Variants in KMT2C observed in about 807,000 individuals in gnomAD.
KMT2C encodes histone-lysine N-methyltransferase 2C.
In KMT2C, 88 loss-of-function variants were observed where a neutral mutation model predicts 507.9. That is an observed-to-expected ratio of 0.17 (90% CI 0.15 to 0.21). KMT2C has a LOEUF of 0.21. Among genes scored for constraint, KMT2C ranks in the 10% least tolerant of loss-of-function variants. The probability of loss-of-function intolerance (pLI) is 1.00; values close to 1 mark genes in which losing one functional copy is unlikely to be tolerated. For synonymous variants in KMT2C, 2,049 were observed against 2,080.8 expected, an observed-to-expected ratio of 0.98 and a Z score of 0.42; for missense variants, 4,954 against 5,957.8, an observed-to-expected ratio of 0.83 and a Z score of 5.55.
At chr7:152,251,815 C>A in intron 11 of KMT2C, 124 bp downstream of exon 11, 1 of 569,026 alleles carries the variant, frequency 1.8e-6, no homozygotes, top group Non-Finnish European at 2.8e-6. Context: ...GGTTGAGAAA[C>A]TGAGAACAAG....
At chr7:152,198,964 ATCTT>A (rs1172862756) in intron 27 of KMT2C, among the ~76,000 whole-genome samples, 1 of 152,148 alleles carries the variant, frequency 6.6e-6, no homozygotes, top group African/African-American at 2.4e-5. Flanking sequence ...ACAAAAATCT[ATCTT>A]AGATTTTTAG....
chr7:152,235,051 G>C (rs1420039974), intron 16 of KMT2C, among the ~76,000 whole-genome samples: 6 of 152,268 alleles, frequency 3.9e-5, no homozygotes, highest in African/African-American at 1.4e-4. Context: ...GTACAGTTCT[G>C]TATGATTCCA....
chr7:152,225,921 T>C (rs2094915768), intron 18 of KMT2C, among the ~76,000 whole-genome samples: 1 of 152,238 alleles, frequency 6.6e-6, no homozygotes, highest in South Asian at 2.1e-4. Context: ...ACTCATAGTA[T>C]ACTGTTTAGA....
chr7:152,287,170 C>T (rs1304353782), intron 6 of KMT2C, among the ~76,000 whole-genome samples: 1 of 152,170 alleles, frequency 6.6e-6, no homozygotes, highest in Non-Finnish European at 1.5e-5. Context: ...GTTCAACACC[C>T]ACCCAGTGAT....
At chr7:152,430,184 G>GAAAAAAAAAAAAAAAAAAAAAAAAAAAA (rs59960992) in intron 1 of KMT2C, among the ~76,000 whole-genome samples, 1 of 87,134 alleles carries the variant, frequency 1.1e-5, no homozygotes, top group Non-Finnish European at 2.5e-5. Context: ...TCAAAAAAAA[G>GAAAAAAAAAAAAAAAAAAAAAAAAAAAA]AAAAAAAAAA....
intron 34 of KMT2C, 117 bp downstream of exon 34, chr7:152,185,441 G>C (rs936928429): frequency 4.4e-6 from 3 of 681,754 alleles, no homozygotes; most frequent in African/African-American, 3.6e-5. Flanking sequence ...GTTGCTTGTT[G>C]TACAGGTACT....
At position 152,155,891 on chromosome 7, in the gene KMT2C, A is replaced by C; in HGVS notation, c.11960+19T>G. On this transcript the variant is annotated intron_variant, in intron 46 of 58. Transcript: ENST00000262189. The stretch of plus-strand genomic sequence containing the variant: ...AGAAGAAATAACTAAGAATTATTTG[A>C]GAAAAAAATAACCTGTACCTTAATT... 1 of 1,574,920 alleles carries C rather than the reference A, an allele frequency of 6.3e-7. No individual in the cohort carries two copies. The highest frequency in any genetic ancestry group is 8.5e-7 in the Non-Finnish European group (1 of 1,169,642).
intron 18 of KMT2C, among the ~76,000 whole-genome samples, chr7:152,229,465 T>C (rs1222383801): frequency 1.3e-5 from 2 of 152,156 alleles, no homozygotes; most frequent in African/African-American, 2.4e-5. Context: ...TTATTACCAA[T>C]TGCATTAAAT....
At chr7:152,364,608 C>CAAAAAAAAAAAAAA (rs2097222739) in intron 1 of KMT2C, among the ~76,000 whole-genome samples, 1 of 115,988 alleles carries the variant, frequency 8.6e-6, no homozygotes, top group African/African-American at 6.6e-5. Flanking sequence ...GACTCCGTCT[C>CAAAAAAAAAAAAAA]CAAAAAAAAA....
rs766505720 is a variant in KMT2C, at chr7:152,193,993, T to A, written c.4660+16A>T. ...TGTGTGTGAATATAATGTAGAATTA[T>A]AAAGTCATAACATACCCTGATTGTG... On this transcript the variant is annotated intron_variant, in intron 31 of 58. Coordinates refer to ENST00000262189, the MANE Select transcript of KMT2C (RefSeq NM_170606.3). 1 of 1,518,546 alleles carries A rather than the reference T, an allele frequency of 6.6e-7. No individual in the cohort carries two copies. Among genetic ancestry groups the A allele is most frequent in the Non-Finnish European group, 8.8e-7 (1 of 1,140,936 alleles). The allele number at this position is 1,518,546 out of a possible 1,614,324, so 94.1% of individuals were successfully genotyped here.
At chr7:152,297,043 A>AGACAGAC (rs2096512032) in intron 6 of KMT2C, among the ~76,000 whole-genome samples, 1 of 83,404 alleles carries the variant, frequency 1.2e-5, no homozygotes, top group African/African-American at 5.0e-5. Context: ...GAAAGAAAGA[A>AGACAGAC]AGAAAGAAAG....
Position 152,181,598 on chromosome 7 carries a change from T to A in KMT2C, c.6262A>T (p.Asn2088Tyr). The change falls in exon 36 of 59, where the codon AAT becomes TAT. Residue 2088 changes from asparagine to tyrosine, a missense_variant. Around this residue, in one of 29 missense-constraint regions of KMT2C, gnomAD observed 1,689 missense variants for 1,654.3 expected, o/e 1.02. Coordinates refer to ENST00000262189, the MANE Select transcript of KMT2C (RefSeq NM_170606.3). ...TPRPIDNFSH[N>Y]QSNDPYSQPP... Reference sequence around the variant, plus strand: ...TGACTATATGGATCATTTGACTGATTATGAGAAAAATTATCTATAGGTCTT... The same window carrying A: ...TGACTATATGGATCATTTGACTGATAATGAGAAAAATTATCTATAGGTCTT... The A allele has an allele frequency of 1.9e-6, 3 of 1,614,068 alleles. No homozygotes were observed. Among genetic ancestry groups the A allele is most frequent in the Non-Finnish European group, 2.5e-6 (3 of 1,180,024 alleles).
chr7:152,417,511 A>C (rs1003478393), intron 1 of KMT2C, among the ~76,000 whole-genome samples: 2 of 152,218 alleles, frequency 1.3e-5, no homozygotes, highest in Non-Finnish European at 2.9e-5. Flanking sequence ...TAGGTAACAA[A>C]CAGATACAGA....
At chr7:152,159,789 A>G (rs1004135258) in intron 43 of KMT2C, among the ~76,000 whole-genome samples, 1 of 152,176 alleles carries the variant, frequency 6.6e-6, no homozygotes, top group African/African-American at 2.4e-5. Context: ...ACACAGGAAT[A>G]TTTTCAGGCT....
chr7:152,395,745 T>C (rs1384425396), intron 1 of KMT2C, among the ~76,000 whole-genome samples: 1 of 152,142 alleles, frequency 6.6e-6, no homozygotes, highest in African/African-American at 2.4e-5. Flanking sequence ...TGACCTCAAG[T>C]GATCTGCCTG....
chr7:152,310,366 G>A (rs1027299281), intron 5 of KMT2C, among the ~76,000 whole-genome samples: 1 of 152,170 alleles, frequency 6.6e-6, no homozygotes, highest in Middle Eastern at 3.4e-3. Context: ...TTTTGAGGCT[G>A]GGAACTTGAG....
chr7:152,282,449 C>G (rs199552732), intron 6 of KMT2C, among the ~76,000 whole-genome samples: 2 of 144,814 alleles, frequency 1.4e-5, no homozygotes, highest in African/African-American at 5.0e-5. Flanking sequence ...AAATGCCCAA[C>G]GGTAAAATAA....
intron 1 of KMT2C, among the ~76,000 whole-genome samples, chr7:152,379,847 G>T (rs796964659): frequency 0.061 from 7,086 of 116,726 alleles, no homozygotes; most frequent in African/African-American, 0.11. Flanking sequence ...TGTAATCCCA[G>T]CACTTTAGGA....
Position 152,182,323 on chromosome 7 carries a change from ACAT to A in KMT2C, c.5534_5536del (p.Asp1845del). On this transcript the variant is annotated inframe_deletion, in exon 36 of 59. Coordinates refer to ENST00000262189, the MANE Select transcript of KMT2C (RefSeq NM_170606.3). ...AGGTGGAGCTTGTGGCTTTACAAAC[ACAT>A]CATCTGAAGATGTAGACGTAGGGGT... 6.2e-7 allele frequency: 1 copy of A among 1,614,128 alleles called. No individual in the cohort carries two copies. The highest frequency in any genetic ancestry group is 8.5e-7 in the Non-Finnish European group (1 of 1,180,014).
Sources: gnomAD v4.1 joint callset for allele counts (sites outside exome capture counted in the v4.1 genomes callset) on GRCh38, gnomAD v4.1.1 for gene constraint, gnomAD v4.1.1 regional missense constraint, MANE v1.5 for transcripts, NCBI Gene and HGNC (gene_info 2026-07-23, HGNC 2026-07-21) for gene names.